STARD13: variants seen among roughly 807,000 people sequenced by gnomAD.
The protein encoded by STARD13 is stAR-related lipid transfer protein 13.
STARD13 carries 62 observed loss-of-function variants against 106.4 expected under a neutral mutation model. The ratio of observed to expected loss-of-function variants is 0.58; its 90% CI spans 0.48 to 0.72. The LOEUF (loss-of-function observed/expected upper bound fraction) is 0.72, where lower values mean the gene tolerates loss of function less well. STARD13 is among the 30% of genes least tolerant of loss of function. STARD13 has a pLI of 0.00. For missense variants in STARD13, 1,387 were observed against 1,424.0 expected (o/e 0.97, Z 0.42); for synonymous variants, 565 against 553.0 (o/e 1.02, Z -0.31).
chr13:33,472,913 G>A, the STARD13 span, among the ~76,000 whole-genome samples: 5 of 152,158 alleles, frequency 3.3e-5, no homozygotes, highest in Non-Finnish European at 7.3e-5. Flanking sequence ...GTTAACTGGA[G>A]AGACTAATTT....
At chr13:33,109,665 C>T (rs1240790390) in intron 12 of STARD13, among the ~76,000 whole-genome samples, 1 of 152,182 alleles carries the variant, frequency 6.6e-6, no homozygotes, top group African/African-American at 2.4e-5. Flanking sequence ...AATCAGAGAG[C>T]CCAGGCAGAG....
chr13:33,436,893 A>G, the STARD13 span, among the ~76,000 whole-genome samples: 206 of 152,258 alleles, frequency 1.4e-3, no homozygotes, highest in African/African-American at 4.6e-3. Flanking sequence ...ACAAGAAAAA[A>G]ATCACCTCAC....
chr13:33,365,070 G>A, the STARD13 span, among the ~76,000 whole-genome samples: 1 of 137,862 alleles, frequency 7.3e-6, no homozygotes, highest in African/African-American at 2.7e-5. Flanking sequence ...AAACTCTGGA[G>A]TCAAATCAGC....
intron 1 of STARD13, among the ~76,000 whole-genome samples, chr13:33,339,405 T>G (rs1168185587): frequency 6.6e-6 from 1 of 152,226 alleles, no homozygotes; most frequent in African/African-American, 2.4e-5. Flanking sequence ...CACTGTACAA[T>G]CTATGCTTCT....
chr13:33,454,176 C>T, the STARD13 span, among the ~76,000 whole-genome samples: 559 of 152,314 alleles, frequency 3.7e-3, 8 homozygotes, highest in African/African-American at 0.013. Context: ...GCTGCTCCTG[C>T]CCAGTGAATG....
At chr13:33,115,482 T>C (rs1337854170) in intron 8 of STARD13, among the ~76,000 whole-genome samples, 1 of 152,176 alleles carries the variant, frequency 6.6e-6, no homozygotes, top group Non-Finnish European at 1.5e-5. Context: ...ATGGACTTTC[T>C]CCCTGTAGCA....
intron 7 of STARD13, among the ~76,000 whole-genome samples, chr13:33,120,051 G>C (rs1003223804): frequency 6.6e-6 from 1 of 152,220 alleles, no homozygotes. Flanking sequence ...GCACACCACA[G>C]GGCTGGCTGT....
chr13:33,479,901 C>T, the STARD13 span, among the ~76,000 whole-genome samples: 2 of 152,144 alleles, frequency 1.3e-5, no homozygotes, highest in Non-Finnish European at 2.9e-5. Context: ...CCTGAAGTCT[C>T]CCCAGAAGCC....
chr13:33,504,661 G>T, the STARD13 span, among the ~76,000 whole-genome samples: 29 of 151,866 alleles, frequency 1.9e-4, no homozygotes, highest in African/African-American at 6.8e-4. Flanking sequence ...CGTAAATGAC[G>T]AGTTGATGGG....
intron 3 of STARD13, among the ~76,000 whole-genome samples, chr13:33,157,325 TA>T (rs899155140): frequency 2.0e-5 from 3 of 152,210 alleles, no homozygotes; most frequent in Non-Finnish European, 4.4e-5. Context: ...TAGTATTTAT[TA>T]AAAAACACAA....
the STARD13 span, among the ~76,000 whole-genome samples, chr13:33,360,724 G>GGAATCCTTCTGAGTA: frequency 7.2e-6 from 1 of 137,950 alleles, no homozygotes; most frequent in Non-Finnish European, 1.6e-5. Context: ...GTAGACAGAA[G>GGAATCCTTCTGAGTA]GACATATTGT....
chr13:33,549,832 T>C, the STARD13 span, among the ~76,000 whole-genome samples: 1 of 152,288 alleles, frequency 6.6e-6, no homozygotes, highest in South Asian at 2.1e-4. Flanking sequence ...AAGTCACCAC[T>C]TTGTTCATCA....
At chr13:33,128,488 C>T (rs1877586704) in intron 5 of STARD13, among the ~76,000 whole-genome samples, 1 of 152,070 alleles carries the variant, frequency 6.6e-6, no homozygotes, top group Admixed American at 6.5e-5. Flanking sequence ...AACAAACTTG[C>T]AGAGTACACA....
chr13:33,359,991 C>T, the STARD13 span, among the ~76,000 whole-genome samples: 1 of 152,162 alleles, frequency 6.6e-6, no homozygotes, highest in African/African-American at 2.4e-5. Context: ...GGAATGATTA[C>T]TTCAAAATAA....
the STARD13 span, among the ~76,000 whole-genome samples, chr13:33,655,176 G>T: frequency 6.6e-6 from 1 of 152,288 alleles, no homozygotes; most frequent in African/African-American, 2.4e-5. Flanking sequence ...ATTAGTGAGA[G>T]GTTAACTCTA....
chr13:33,324,516 A>G (rs979455150), intron 1 of STARD13, among the ~76,000 whole-genome samples: 3 of 152,212 alleles, frequency 2.0e-5, no homozygotes, highest in African/African-American at 7.2e-5. Flanking sequence ...CAAATAGAAA[A>G]TTAGAGTTTG....
chr13:33,636,364 C>T, the STARD13 span, among the ~76,000 whole-genome samples: 2 of 152,068 alleles, frequency 1.3e-5, no homozygotes, highest in Non-Finnish European at 2.9e-5. Context: ...CAGCTTTTCT[C>T]GCCATGACTC....
At chr13:33,513,849 A>T in the STARD13 span, among the ~76,000 whole-genome samples, 2 of 152,146 alleles carry the variant, frequency 1.3e-5, no homozygotes, top group African/African-American at 2.4e-5. Context: ...TGTTTCCCCC[A>T]TTAATGAAGT....
At chr13:33,676,769 A>G in the STARD13 span, 1 of 152,190 alleles carries the variant, frequency 6.6e-6, no homozygotes, top group Non-Finnish European at 1.5e-5. Context: ...CTCATCTGTC[A>G]TAGCACTCCA....
Sources: gnomAD v4.1 joint callset for allele counts (sites outside exome capture counted in the v4.1 genomes callset) on GRCh38, gnomAD v4.1.1 for gene constraint, MANE v1.5 for transcripts, NCBI Gene and HGNC (gene_info 2026-07-23, HGNC 2026-07-21) for gene names.